The following APBA1 variants were observed in gnomAD, a reference collection of about 807,000 sequenced individuals.
APBA1 encodes the protein amyloid-beta A4 precursor protein-binding family A member 1.
In APBA1, 55 loss-of-function variants were observed where a neutral mutation model predicts 86.6. The observed-to-expected ratio is 0.64, with a 90% confidence interval of 0.51 to 0.80. APBA1 has a LOEUF of 0.80. APBA1 is among the 30% of genes least tolerant of loss of function. The pLI, the probability that APBA1 is intolerant of heterozygous loss-of-function variation, is 0.00. For missense variants in APBA1, 1,090 were observed against 1,183.0 expected, an observed-to-expected ratio of 0.92 and a Z score of 1.15; for synonymous variants, 511 against 493.9, an observed-to-expected ratio of 1.03 and a Z score of -0.46.
chr9:69,607,416 A>G (rs1822498029), intron 1 of APBA1, among the ~76,000 whole-genome samples: 1 of 152,144 alleles, frequency 6.6e-6, no homozygotes, highest in East Asian at 1.9e-4. Flanking sequence ...GGTCCCTCCC[A>G]TGACACATGG....
intron 1 of APBA1, among the ~76,000 whole-genome samples, chr9:69,563,205 T>A (rs1230168825): frequency 6.6e-6 from 1 of 152,230 alleles, no homozygotes; most frequent in Non-Finnish European, 1.5e-5. Context: ...TTTTCACTTT[T>A]TTGGCTATAC....
intron 1 of APBA1, among the ~76,000 whole-genome samples, chr9:69,582,287 C>T (rs565988624): frequency 2.4e-4 from 36 of 152,240 alleles, no homozygotes; most frequent in African/African-American, 8.4e-4. Flanking sequence ...GAGGCTCGCT[C>T]ATAAGTAAGT....
In APBA1 at chr9:69,451,115, G is replaced by A. The variant is rs114784301; in HGVS notation, c.1968+1007C>T. Among the ~76,000 whole-genome samples the A allele has an allele frequency of 5.9e-3, 903 of 152,306 alleles. 4 individuals carry two copies. The highest frequency in any genetic ancestry group is 0.021 in the African/African-American group (857 of 41,558). On this transcript the variant is annotated intron_variant, in intron 9 of 12. Transcript: ENST00000265381. ...TCCAGCCTTGGCCAATAACCGGCAT[G>A]GGGTACAAAGGCTTGCCAGCTCCCT...
At chr9:69,541,436 T>G (rs914687899) in intron 1 of APBA1, among the ~76,000 whole-genome samples, 1 of 152,166 alleles carries the variant, frequency 6.6e-6, no homozygotes, top group African/African-American at 2.4e-5. Flanking sequence ...TAGTTTTGAT[T>G]TGCATTTCCT....
intron 2 of APBA1, 132 bp downstream of exon 2, chr9:69,515,879 G>A (rs542861208): frequency 4.2e-6 from 4 of 955,520 alleles, no homozygotes; most frequent in South Asian, 2.1e-5. Flanking sequence ...TGAGGCTTAC[G>A]GTGGAAAAGT....
intron 1 of APBA1, among the ~76,000 whole-genome samples, chr9:69,651,056 T>G (rs1823488366): frequency 6.6e-6 from 1 of 152,186 alleles, no homozygotes; most frequent in Admixed American, 6.5e-5. Context: ...TGTTGTATGT[T>G]TATACAACTG....
chr9:69,566,648 G>C (rs12349065), intron 1 of APBA1, among the ~76,000 whole-genome samples: 5,457 of 152,158 alleles, frequency 0.036, 333 homozygotes, highest in African/African-American at 0.12. Flanking sequence ...TGTCTGATCT[G>C]CTCTCCTAAA....
At position 69,558,565 on chromosome 9, in the gene APBA1, T is replaced by C. The variant is rs375031412; in HGVS notation, c.-69-41286A>G. 7.3e-3 allele frequency among the ~76,000 whole-genome samples: 1,024 copies of C among 140,492 alleles called. 4 individuals carry two copies. Among genetic ancestry groups the C allele is most frequent in the African/African-American group, 0.015 (490 of 32,904 alleles). 92.2% of individuals were successfully genotyped at this position (140,492 alleles called of 152,430 possible). A position where few individuals can be genotyped will look rare whatever the true frequency, so the allele number is the denominator to read the frequency against. ...ACACATACACACACACACACACATA[T>C]ATATATATATATATATACACATTAT... On this transcript the variant is annotated intron_variant, in intron 1 of 12. Transcript: ENST00000265381.
At chr9:69,658,619 G>T (rs1385482159) in intron 1 of APBA1, among the ~76,000 whole-genome samples, 2 of 148,344 alleles carry the variant, frequency 1.3e-5, no homozygotes, top group African/African-American at 5.0e-5. Context: ...TGGCCAAGTT[G>T]GTCTCAAACT....
At chr9:69,504,282 T>C (rs1245890975) in intron 2 of APBA1, among the ~76,000 whole-genome samples, 1 of 152,078 alleles carries the variant, frequency 6.6e-6, no homozygotes, top group African/African-American at 2.4e-5. Flanking sequence ...GGACATGGTC[T>C]TTCATAATTT....
chr9:69,476,176 C>A (rs760989620), intron 2 of APBA1, 33 bp from the exon 3 acceptor site: 5 of 1,523,338 alleles, frequency 3.3e-6, no homozygotes, highest in Non-Finnish European at 4.5e-6. Flanking sequence ...ACAGTGAGAA[C>A]TTGAGAGACT....
At chr9:69,554,548 C>T (rs1446324668) in intron 1 of APBA1, among the ~76,000 whole-genome samples, 1 of 152,096 alleles carries the variant, frequency 6.6e-6, no homozygotes, top group African/African-American at 2.4e-5. Context: ...ATGATCAGCA[C>T]CCAGAGAAAC....
chr9:69,619,385 T>A (rs1057264086), intron 1 of APBA1, among the ~76,000 whole-genome samples: 4 of 152,182 alleles, frequency 2.6e-5, no homozygotes, highest in African/African-American at 2.4e-5. Flanking sequence ...TATAAACACA[T>A]TTGCTATTTC....
At chr9:69,533,171 A>C (rs1208647051) in intron 1 of APBA1, among the ~76,000 whole-genome samples, 1 of 152,192 alleles carries the variant, frequency 6.6e-6, no homozygotes, top group African/African-American at 2.4e-5. Flanking sequence ...CTGTGTATGT[A>C]TGATGGAGGG....
intron 1 of APBA1, among the ~76,000 whole-genome samples, chr9:69,610,475 G>A (rs1324083198): frequency 6.6e-6 from 1 of 152,096 alleles, no homozygotes; most frequent in African/African-American, 2.4e-5. Flanking sequence ...GTCAGGTTCT[G>A]TATGCCTAGT....
At chr9:69,474,884 T>A (rs1271102873) in intron 3 of APBA1, among the ~76,000 whole-genome samples, 1 of 152,228 alleles carries the variant, frequency 6.6e-6, no homozygotes, top group Non-Finnish European at 1.5e-5. Context: ...CCACTCAGTT[T>A]AAACAGAGAT....
At chr9:69,594,244 G>C (rs1200049020) in intron 1 of APBA1, among the ~76,000 whole-genome samples, 1 of 152,150 alleles carries the variant, frequency 6.6e-6, no homozygotes, top group African/African-American at 2.4e-5. Flanking sequence ...ACGGGGGTAG[G>C]GGGTGTCTTT....
At chr9:69,440,919 T>C in intron 11 of APBA1, 77 bp downstream of exon 11, 2 of 1,552,750 alleles carry the variant, frequency 1.3e-6, no homozygotes, top group Non-Finnish European at 1.7e-6. Flanking sequence ...TTAGCCATCT[T>C]GGCTCCACCC....
chr9:69,535,417 A>G (rs1293136989), intron 1 of APBA1, among the ~76,000 whole-genome samples: 1 of 152,144 alleles, frequency 6.6e-6, no homozygotes, highest in African/African-American at 2.4e-5. Flanking sequence ...TCTCTCTGGT[A>G]CCTTTCAATA....
Sources: allele counts gnomAD v4.1 joint callset (sites outside exome capture counted in the v4.1 genomes callset), GRCh38; gene constraint gnomAD v4.1.1; transcripts MANE v1.5; gene names NCBI Gene and HGNC (gene_info 2026-07-23, HGNC 2026-07-21).